The following GK5 variants were observed in gnomAD, a reference collection of about 807,000 sequenced individuals.
The protein encoded by GK5 is ATP:glycerol 3-phosphotransferase 5.
A neutral mutation model predicts 77.3 loss-of-function variants in GK5; 39 were observed. The observed-to-expected ratio is 0.50, with a 90% CI of 0.39 to 0.66. GK5 has a LOEUF of 0.66. Among genes scored for constraint, GK5 ranks in the 30% least tolerant of loss-of-function variants. The probability of loss-of-function intolerance (pLI) is 0.00; values close to 1 mark genes in which losing one functional copy is unlikely to be tolerated. For synonymous variants in GK5, 211 were observed against 208.0 expected, an observed-to-expected ratio of 1.01 and a Z score of -0.13; for missense variants, 487 against 633.8, an observed-to-expected ratio of 0.77 and a Z score of 2.49.
At chr3:142,192,803 C>T (rs1171345555) in intron 5 of GK5, among the ~76,000 whole-genome samples, 1 of 151,180 alleles carries the variant, frequency 6.6e-6, no homozygotes, top group Non-Finnish European at 1.5e-5. Context: ...AACTGTGCCA[C>T]ATTCAGACAA....
intron 15 of GK5, among the ~76,000 whole-genome samples, chr3:142,169,291 A>G (rs994188750): frequency 1.3e-5 from 2 of 152,312 alleles, no homozygotes; most frequent in Admixed American, 1.3e-4. Context: ...CAAGGCCTCA[A>G]CTTTTGGACT....
intron 3 of GK5, among the ~76,000 whole-genome samples, chr3:142,207,024 T>C (rs11711544): frequency 0.7 from 107,180 of 152,090 alleles, 38,300 homozygotes; most frequent in African/African-American, 0.81. Flanking sequence ...AAATTGCATG[T>C]AGGACTGTGT....
intron 5 of GK5, among the ~76,000 whole-genome samples, chr3:142,189,825 A>G (rs2063824086): frequency 6.6e-6 from 1 of 152,242 alleles, no homozygotes; most frequent in Admixed American, 6.5e-5. Context: ...TGTTAACTGG[A>G]AGAATGGAAG....
intron 5 of GK5, 63 bp downstream of exon 5, chr3:142,198,739 C>T: frequency 7.3e-7 from 1 of 1,375,296 alleles, no homozygotes; most frequent in Non-Finnish European, 9.8e-7. Flanking sequence ...TTTTCTTCCC[C>T]ATAGTCTTTA....
At chr3:142,214,896 A>G (rs1419747687) in intron 2 of GK5, among the ~76,000 whole-genome samples, 1 of 152,222 alleles carries the variant, frequency 6.6e-6, no homozygotes, top group Non-Finnish European at 1.5e-5. Context: ...AAAATGGTAA[A>G]TATTACAAAA....
chr3:142,192,549 A>C (rs1182360117), intron 5 of GK5, among the ~76,000 whole-genome samples: 2 of 152,140 alleles, frequency 1.3e-5, no homozygotes. Flanking sequence ...GGATCACTTA[A>C]GGTCGGGAGG....
chr3:142,162,868 T>C lies in GK5; in HGVS notation c.*2754A>G, dbSNP rs1369414726. 2.0e-5 allele frequency: 3 copies of C among 151,826 alleles called. No individual in the cohort carries two copies. The highest frequency in any genetic ancestry group is 4.4e-5 in the Non-Finnish European group (3 of 68,060). 9.4% of individuals were successfully genotyped at this position (151,826 alleles called of 1,614,324 possible). A position where few individuals can be genotyped will look rare whatever the true frequency, so the allele number is the denominator to read the frequency against. On this transcript the variant is annotated 3_prime_UTR_variant, in exon 16 of 16. Transcript: ENST00000392993. ...AAAATCAGCTGGGCGTAGTGACGTA[T>C]ACCTGAAATCCCAGCTACTTGGGAG... is the stretch of plus-strand genomic sequence containing the variant.
intron 2 of GK5, among the ~76,000 whole-genome samples, chr3:142,214,119 C>T (rs149497679): frequency 0.011 from 1,604 of 152,190 alleles, 13 homozygotes; most frequent in Non-Finnish European, 0.018. Flanking sequence ...CCACTGTGCC[C>T]GGCCTTAAAG....
rs1413924296 is a variant in GK5, at chr3:142,173,274, C to G, written c.1144-818G>C. 2.0e-5 allele frequency: 8 copies of G among 394,590 alleles called. No individual in the cohort carries two copies. In the Admixed American group the frequency reaches 2.5e-4, roughly 12 times the overall value. The allele number at this position is 394,590 out of a possible 1,614,324, so 24.4% of individuals were successfully genotyped here. A position where few individuals can be genotyped will look rare whatever the true frequency, so the allele number is the denominator to read the frequency against. ...CTTACTGCCTAATATCAGAAATAAT[C>G]CAGCCTAACATGTTCTCAAAAGAGC... On this transcript the variant is annotated intron_variant, in intron 12 of 15. Coordinates refer to ENST00000392993, the MANE Select transcript of GK5 (RefSeq NM_001039547.3).
intron 15 of GK5, among the ~76,000 whole-genome samples, chr3:142,166,371 C>G (rs2063472676): frequency 6.6e-6 from 1 of 152,110 alleles, no homozygotes; most frequent in Admixed American, 6.5e-5. Flanking sequence ...TGTCAACTTT[C>G]TGGAATATGC....
intron 3 of GK5, 81 bp from the exon 4 acceptor site, chr3:142,204,869 T>C (rs1418573349): frequency 1.4e-6 from 1 of 733,466 alleles, no homozygotes; most frequent in East Asian, 2.5e-5. Flanking sequence ...GAAAACAAAA[T>C]TAGAGGCCAT....
At chr3:142,215,923 C>CT (rs1413460681) in intron 1 of GK5, among the ~76,000 whole-genome samples, 12 of 152,066 alleles carry the variant, frequency 7.9e-5, no homozygotes, top group African/African-American at 2.9e-4. Context: ...TTTATCTCTA[C>CT]TTTTATTTTC....
Position 142,225,340 on chromosome 3 carries a change from G to A in GK5, c.116C>T (p.Ala39Val). 1.3e-6 allele frequency: 2 copies of A among 1,558,388 alleles called. No homozygotes were observed. Among genetic ancestry groups the A allele is most frequent in the Admixed American group, 1.9e-5 (1 of 52,524 alleles). Reference protein sequence around the residue: ...SVIRCHVYDRAARVCGSSVQK... With the variant: ...SVIRCHVYDRVARVCGSSVQK... ...CACGCTGGAGCCGCAGACCCGCGCC[G>A]CCCGGTCATAGACGTGGCAGCGGAT... is the stretch of plus-strand genomic sequence containing the variant. The change falls in exon 1 of 16, where the codon GCG becomes GTG. Residue 39 changes from alanine (A) to valine (V), a missense_variant. Coordinates refer to ENST00000392993, the MANE Select transcript of GK5 (RefSeq NM_001039547.3).
rs756706433 is a variant in GK5 at position 142,213,579 on chromosome 3, T to C, written c.264A>G (p.Gln88=). The change falls in exon 3 of 16, where the codon CAA becomes CAG. Residue 88 remains glutamine (Q), a synonymous_variant. Coordinates refer to ENST00000392993, the MANE Select transcript of GK5 (RefSeq NM_001039547.3). ...AVKAAGIQMN[Q]IVGLGISTQR... Reference sequence around the variant, plus strand: ...GTGTTGAAATGCCAAGACCAACAATTTGATTCATCTGTATTCCTGCAGCTA... The same window carrying C: ...GTGTTGAAATGCCAAGACCAACAATCTGATTCATCTGTATTCCTGCAGCTA... 6 of 1,611,498 alleles carry C rather than the reference T, an allele frequency of 3.7e-6. No individual in the cohort carries two copies. Among genetic ancestry groups the C allele is most frequent in the East Asian group, 2.2e-5 (1 of 44,870 alleles).
intron 3 of GK5, among the ~76,000 whole-genome samples, chr3:142,210,153 T>G (rs1485226929): frequency 6.6e-6 from 1 of 151,834 alleles, no homozygotes; most frequent in Non-Finnish European, 1.5e-5. Flanking sequence ...GGGGGAGAGA[T>G]AGGGAGAAAA....
intron 3 of GK5, among the ~76,000 whole-genome samples, chr3:142,211,439 G>T (rs1021819320): frequency 6.6e-6 from 1 of 152,182 alleles, no homozygotes; most frequent in Non-Finnish European, 1.5e-5. Flanking sequence ...GGGGAGTGGA[G>T]TAAGCACAGA....
At position 142,184,751 on chromosome 3, in the gene GK5, A is replaced by T. The variant is rs565600618; in HGVS notation, c.816+1178T>A. Reference sequence around the variant, plus strand: ...CTCAGGAGGCTGAGGCAGAAGAGTCACTTGAACCCGAGAGGCGGAGGTCAC... The same window carrying T: ...CTCAGGAGGCTGAGGCAGAAGAGTCTCTTGAACCCGAGAGGCGGAGGTCAC... On this transcript the variant is annotated intron_variant, in intron 9 of 15. Coordinates refer to ENST00000392993, the MANE Select transcript of GK5 (RefSeq NM_001039547.3). The T allele has an allele frequency of 2.4e-5, 11 of 466,392 alleles. No homozygotes were observed. The East Asian group carries it at 1.5e-3, about 65-fold the overall frequency. The allele number at this position is 466,392 out of a possible 1,614,324, so 28.9% of individuals were successfully genotyped here. A position where few individuals can be genotyped will look rare whatever the true frequency, so the allele number is the denominator to read the frequency against.
At chr3:142,210,398 G>A (rs2107794958) in intron 3 of GK5, among the ~76,000 whole-genome samples, 1 of 152,246 alleles carries the variant, frequency 6.6e-6, no homozygotes, top group Non-Finnish European at 1.5e-5. Context: ...GCCCTGTGCT[G>A]TGCCCATCTG....
rs1205978292 is a variant in GK5 at position 142,165,575 on chromosome 3, A to G, written c.*47T>C. On this transcript the variant is annotated 3_prime_UTR_variant, in exon 16 of 16. Coordinates refer to ENST00000392993, the MANE Select transcript of GK5 (RefSeq NM_001039547.3). ...TATCCCTGAGCTTCATCTCATCTGC[A>G]CGTCACATAAACCAGCTACCTATGG... The G allele has an allele frequency of 1.4e-6, 2 of 1,462,634 alleles. No individual in the cohort carries two copies. Among genetic ancestry groups the G allele is most frequent in the Admixed American group, 2.1e-5 (1 of 48,202 alleles). 90.6% of individuals were successfully genotyped at this position (1,462,634 alleles called of 1,614,324 possible).
Sources: allele counts gnomAD v4.1 joint callset (sites outside exome capture counted in the v4.1 genomes callset), GRCh38; gene constraint gnomAD v4.1.1; transcripts MANE v1.5; gene names NCBI Gene and HGNC (gene_info 2026-07-23, HGNC 2026-07-21).